TMEM169: variants seen among roughly 807,000 people sequenced by gnomAD.
The protein encoded by TMEM169 is transmembrane protein 169.
In TMEM169, 18 loss-of-function variants were observed where a neutral mutation model predicts 27.3. The observed-to-expected ratio is 0.66, with a 90% CI of 0.46 to 0.98. The LOEUF (loss-of-function observed/expected upper bound fraction) is 0.98, where lower values mean the gene tolerates loss of function less well. TMEM169 is among the 50% of genes least tolerant of loss of function. The pLI is 0.00. For synonymous variants in TMEM169, 136 were observed against 142.1 expected (o/e 0.96, Z 0.30); for missense variants, 320 against 368.6 (o/e 0.87, Z 1.08).
chr2:216,091,472 G>C (rs1696121887), intron 1 of TMEM169, among the ~76,000 whole-genome samples: 1 of 147,832 alleles, frequency 6.8e-6, no homozygotes, highest in African/African-American at 2.5e-5. Context: ...CAGGAGAATT[G>C]CTTGAACTTG....
chr2:216,095,109 CT>C lies in TMEM169; in HGVS notation c.-126-715del, dbSNP rs71047975. 1.7e-3 allele frequency among the ~76,000 whole-genome samples: 190 copies of C among 110,398 alleles called. 1 individual carries two copies. The highest frequency in any genetic ancestry group is 6.9e-3 in the East Asian group (24 of 3,476). The allele number at this position is 110,398 out of a possible 152,430, so 72.4% of individuals were successfully genotyped here. ...AGCCACCTATGGTTCTTTTTTCTTT[CT>C]TTTTTTTTTTTTTGACAGAGTCTCG... is the stretch of plus-strand genomic sequence containing the variant. On this transcript the variant is annotated intron_variant, in intron 1 of 2. Coordinates refer to ENST00000437356, the MANE Select transcript of TMEM169 (RefSeq NM_001142311.2).
At chr2:216,082,629 C>T (rs1695893771) in intron 1 of TMEM169, 1 of 152,320 alleles carries the variant, frequency 6.6e-6, no homozygotes, top group Non-Finnish European at 1.5e-5. Context: ...GGTGAGCCCG[C>T]TGAGGATGGG....
chr2:216,099,873 A>G lies in TMEM169; in HGVS notation c.272-47A>G, dbSNP rs1195495205. 1.9e-6 allele frequency: 3 copies of G among 1,566,414 alleles called. No individual in the cohort carries two copies. The highest frequency in any genetic ancestry group is 1.2e-5 in the South Asian group (1 of 81,224). On this transcript the variant is annotated intron_variant, in intron 2 of 2. Transcript: ENST00000437356. The surrounding 1 kb of genome is among the most constrained non-coding windows in gnomAD (Gnocchi z 5.0). Reference sequence around the variant, plus strand: ...TGGGAGGGTGCAACATGGAGATGCAATGCCCACTCTTCTGATCTTGACTCT... The same window carrying G: ...TGGGAGGGTGCAACATGGAGATGCAGTGCCCACTCTTCTGATCTTGACTCT...
At chr2:216,087,282 T>C (rs1696024409) in intron 1 of TMEM169, among the ~76,000 whole-genome samples, 1 of 152,118 alleles carries the variant, frequency 6.6e-6, no homozygotes, top group African/African-American at 2.4e-5. Flanking sequence ...CAAGACAAAA[T>C]AAAAATATTG....
rs1319155819 is a variant in TMEM169, at chr2:216,102,560, A to G, written c.*2018A>G. 4 of 152,240 alleles carry G rather than the reference A, an allele frequency of 2.6e-5. No homozygotes were observed. The highest frequency in any genetic ancestry group is 2.6e-4 in the Admixed American group (4 of 15,242). The allele number at this position is 152,240 out of a possible 1,614,324, so 9.4% of individuals were successfully genotyped here. ...ACCAGAGGAGTTTGTCATGCTCCCC[A>G]CAGAGAGCCCAGGACATTTGCCTGA... is the stretch of plus-strand genomic sequence containing the variant. On this transcript the variant is annotated 3_prime_UTR_variant, in exon 3 of 3. Coordinates refer to ENST00000437356, the MANE Select transcript of TMEM169 (RefSeq NM_001142311.2).
chr2:216,096,028 G>A lies in TMEM169; in HGVS notation c.65G>A (p.Arg22Lys). Reference protein sequence around the residue: ...QLPSPHQGSLRKAVAAALALD... With the variant: ...QLPSPHQGSLKKAVAAALALD... Reference sequence around the variant, plus strand: ...CCAAGCCCCCACCAGGGCTCTCTCAGGAAGGCTGTGGCTGCTGCCCTGGCG... The same window carrying A: ...CCAAGCCCCCACCAGGGCTCTCTCAAGAAGGCTGTGGCTGCTGCCCTGGCG... Residue 22 changes from arginine (R) to lysine (K), a missense_variant, in exon 2 of 3, where the codon AGG becomes AAG. Transcript: ENST00000437356. 1 of 1,614,216 alleles carries A rather than the reference G, an allele frequency of 6.2e-7. No homozygotes were observed. The highest frequency in any genetic ancestry group is 8.5e-7 in the Non-Finnish European group (1 of 1,180,032).
rs71047975 is a variant in TMEM169, at chr2:216,095,109, C to CTTT, written c.-126-717_-126-715dup. ...AGCCACCTATGGTTCTTTTTTCTTT[C>CTTT]TTTTTTTTTTTTTTGACAGAGTCTC... On this transcript the variant is annotated intron_variant, in intron 1 of 2. Coordinates refer to ENST00000437356, the MANE Select transcript of TMEM169 (RefSeq NM_001142311.2). Among the ~76,000 whole-genome samples the CTTT allele has an allele frequency of 9.1e-4, 101 of 110,478 alleles. 2 individuals carry two copies. The highest frequency in any genetic ancestry group is 3.9e-3 in the African/African-American group (95 of 24,532). The allele number at this position is 110,478 out of a possible 152,430, so 72.5% of individuals were successfully genotyped here.
intron 1 of TMEM169, among the ~76,000 whole-genome samples, chr2:216,095,368 G>A (rs1403680582): frequency 3.9e-5 from 6 of 151,988 alleles, no homozygotes; most frequent in African/African-American, 9.7e-5. Flanking sequence ...GATTATATGC[G>A]TGAACCACTG....
At chr2:216,098,754 G>A (rs1161310461) in intron 2 of TMEM169, among the ~76,000 whole-genome samples, 2 of 151,346 alleles carry the variant, frequency 1.3e-5, no homozygotes, top group Non-Finnish European at 3.0e-5. Flanking sequence ...TGTGCGGTGT[G>A]GGTGTGGTGT....
chr2:216,087,163 G>A (rs149904436), intron 1 of TMEM169, among the ~76,000 whole-genome samples: 190 of 113,278 alleles, frequency 1.7e-3, no homozygotes, highest in African/African-American at 5.6e-3. Flanking sequence ...GAGTAGTCAC[G>A]TTGCAGGAAA....
In TMEM169 at chr2:216,100,773, A is replaced by G; in HGVS notation, c.*231A>G. On this transcript the variant is annotated 3_prime_UTR_variant, in exon 3 of 3. Coordinates refer to ENST00000437356, the MANE Select transcript of TMEM169 (RefSeq NM_001142311.2). ...CAAACTCTTTTTGATTCCCTGCCCT[A>G]AAATCACCATTTATTTAGGACAATG... The G allele has an allele frequency of 1.7e-6, 1 of 584,790 alleles. No individual in the cohort carries two copies. Among genetic ancestry groups the G allele is most frequent in the Non-Finnish European group, 3.0e-6 (1 of 333,260 alleles). 36.2% of individuals were successfully genotyped at this position (584,790 alleles called of 1,614,324 possible).
chr2:216,089,209 G>C (rs890678235), intron 1 of TMEM169, among the ~76,000 whole-genome samples: 2 of 152,188 alleles, frequency 1.3e-5, no homozygotes, highest in African/African-American at 4.8e-5. Context: ...GTTCAAGAAA[G>C]ATTTGGGAAT....
At chr2:216,092,936 G>T (rs142839953) in intron 1 of TMEM169, among the ~76,000 whole-genome samples, 25 of 152,268 alleles carry the variant, frequency 1.6e-4, no homozygotes, top group African/African-American at 6.0e-4. Flanking sequence ...TTACCATGAT[G>T]CAGCTTTCTG....
In TMEM169 at chr2:216,100,401, CT is replaced by C. The variant is rs1453617758; in HGVS notation, c.755del (p.Phe252SerfsTer41). 6.2e-7 allele frequency: 1 copy of C among 1,614,040 alleles called. No individual in the cohort carries two copies. The highest frequency in any genetic ancestry group is 8.5e-7 in the Non-Finnish European group (1 of 1,180,012). On this transcript the variant is annotated frameshift_variant, in exon 3 of 3. Transcript: ENST00000437356. LOFTEE classifies it high-confidence loss of function. Reference protein sequence around the residue: ...WQAARDMEKGFCGWLCSKLGL... With the variant: ...WQAARDMEKGXCGWLCSKLGL... ...AAGCTGCCCGGGACATGGAGAAAGG[CT>C]TCTGTGGCTGGCTCTGCAGCAAGCT...
Position 216,096,045 on chromosome 2 carries a change from G to T in TMEM169, c.82G>T (p.Ala28Ser). 1.9e-6 allele frequency: 3 copies of T among 1,614,228 alleles called. No homozygotes were observed. The highest frequency in any genetic ancestry group is 2.5e-6 in the Non-Finnish European group (3 of 1,180,040). ...CTCTCTCAGGAAGGCTGTGGCTGCT[G>T]CCCTGGCGCTGGATGGGGAATCCAC... The part of the protein sequence containing the change: ...QGSLRKAVAA[A>S]LALDGESTMG... Residue 28 changes from alanine to serine, a missense_variant, in exon 2 of 3, where the codon GCC (alanine) becomes TCC (serine). Physicochemically the swap from Ala to Ser is moderately conservative, Grantham distance 99. Transcript: ENST00000437356.
rs1696385601 is a variant in TMEM169 at position 216,101,098 on chromosome 2, A to G, written c.*556A>G. 1 of 168,324 alleles carries G rather than the reference A, an allele frequency of 5.9e-6. No homozygotes were observed. The highest frequency in any genetic ancestry group is 1.3e-5 in the Non-Finnish European group (1 of 76,840). 10.4% of individuals were successfully genotyped at this position (168,324 alleles called of 1,614,324 possible). A position where few individuals can be genotyped will look rare whatever the true frequency, so the allele number is the denominator to read the frequency against. On this transcript the variant is annotated 3_prime_UTR_variant, in exon 3 of 3. Transcript: ENST00000437356. ...TCTTTCTTGTGCAGAAGAAGTCTGG[A>G]GGCAGACCATCCTGGGACCCTGTGA...
chr2:216,100,573 C>T lies in TMEM169; in HGVS notation c.*31C>T. On this transcript the variant is annotated 3_prime_UTR_variant, in exon 3 of 3. Coordinates refer to ENST00000437356, the MANE Select transcript of TMEM169 (RefSeq NM_001142311.2). ...CAACAACTTACTCCCTCCTCTGGCC[C>T]CAGTAGCCTATATATCATCTTAAAA... 2 of 1,613,178 alleles carry T rather than the reference C, an allele frequency of 1.2e-6. No individual in the cohort carries two copies. Among genetic ancestry groups the T allele is most frequent in the Non-Finnish European group, 1.7e-6 (2 of 1,179,824 alleles).
chr2:216,083,677 A>G (rs1695927738), intron 1 of TMEM169, among the ~76,000 whole-genome samples: 1 of 152,158 alleles, frequency 6.6e-6, no homozygotes, highest in Non-Finnish European at 1.5e-5. Context: ...ACTGAGGATG[A>G]CAAGGTGCCA....
intron 1 of TMEM169, chr2:216,082,678 G>A (rs1331461033): frequency 6.6e-6 from 1 of 152,266 alleles, no homozygotes; most frequent in Non-Finnish European, 1.5e-5. Context: ...CAGTAACAGT[G>A]ATTTATTATT....
Sources: allele counts gnomAD v4.1 joint callset (sites outside exome capture counted in the v4.1 genomes callset), GRCh38; gene constraint gnomAD v4.1.1; non-coding constraint Gnocchi (gnomAD v3.1); transcripts MANE v1.5; gene names NCBI Gene and HGNC (gene_info 2026-07-23, HGNC 2026-07-21).